The following SPAG16 variants were observed in gnomAD, a reference collection of about 807,000 sequenced individuals.
The protein encoded by SPAG16 is sperm-associated antigen 16 protein.
SPAG16 carries 86 observed loss-of-function variants against 80.4 expected under a neutral mutation model. The ratio of observed to expected loss-of-function variants is 1.07; its 90% CI spans 0.90 to 1.28. The LOEUF (loss-of-function observed/expected upper bound fraction) is 1.28, where lower values mean the gene tolerates loss of function less well. Among genes scored for constraint, SPAG16 ranks in the 50% most tolerant of loss-of-function variants. The pLI is 0.00. For synonymous variants in SPAG16, 294 were observed against 265.9 expected, an observed-to-expected ratio of 1.11 and a Z score of -1.03; for missense variants, 870 against 765.3, an observed-to-expected ratio of 1.14 and a Z score of -1.61.
chr2:213,343,833 CAAAGAAA>C (rs2064820200), intron 6 of SPAG16, among the ~76,000 whole-genome samples: 1 of 151,704 alleles, frequency 6.6e-6, no homozygotes, highest in African/African-American at 2.4e-5. Context: ...AGCAGGGACT[CAAAGAAA>C]AAAGACTGAA....
chr2:213,664,400 A>G (rs1047611559), intron 10 of SPAG16, among the ~76,000 whole-genome samples: 1 of 152,100 alleles, frequency 6.6e-6, no homozygotes, highest in Admixed American at 6.5e-5. Context: ...TTGTTATTTA[A>G]ACAAGGACAC....
At chr2:213,609,524 G>T (rs2061374250) in intron 10 of SPAG16, among the ~76,000 whole-genome samples, 2 of 152,048 alleles carry the variant, frequency 1.3e-5, no homozygotes, top group South Asian at 4.1e-4. Context: ...ACAGTGACTA[G>T]CCAGTCACCC....
At chr2:213,721,140 A>G (rs2066514928) in intron 10 of SPAG16, among the ~76,000 whole-genome samples, 1 of 151,724 alleles carries the variant, frequency 6.6e-6, no homozygotes, top group East Asian at 1.9e-4. Flanking sequence ...TCTCTCTGTA[A>G]CCCAGGCTGA....
At chr2:213,390,518 A>G (rs1235280979) in intron 9 of SPAG16, among the ~76,000 whole-genome samples, 1 of 152,228 alleles carries the variant, frequency 6.6e-6, no homozygotes, top group Non-Finnish European at 1.5e-5. Flanking sequence ...ATATGTTAAA[A>G]CATTTTATAT....
intron 10 of SPAG16, among the ~76,000 whole-genome samples, chr2:213,847,937 G>A (rs1043990701): frequency 7.2e-5 from 11 of 152,212 alleles, no homozygotes; most frequent in Non-Finnish European, 1.2e-4. Flanking sequence ...TATAGAGGAA[G>A]CTTTGGGTAA....
At chr2:214,298,175 C>CAT (rs1327875391) in intron 15 of SPAG16, among the ~76,000 whole-genome samples, 2 of 101,490 alleles carry the variant, frequency 2.0e-5, no homozygotes, top group African/African-American at 6.3e-5. Context: ...CACACACACA[C>CAT]ATATATATAT....
chr2:214,378,313 A>C (rs1427312972), intron 15 of SPAG16, among the ~76,000 whole-genome samples: 1 of 152,204 alleles, frequency 6.6e-6, no homozygotes, highest in Non-Finnish European at 1.5e-5. Flanking sequence ...CAGGAAACTC[A>C]AACTGGTTTA....
intron 10 of SPAG16, among the ~76,000 whole-genome samples, chr2:213,508,763 G>A (rs573978559): frequency 6.5e-4 from 98 of 151,920 alleles, no homozygotes; most frequent in Admixed American, 1.6e-3. Flanking sequence ...ACCGGGGCCT[G>A]TTGTGGGGTT....
intron 9 of SPAG16, among the ~76,000 whole-genome samples, chr2:213,486,611 T>G (rs1180927459): frequency 1.3e-5 from 2 of 152,112 alleles, no homozygotes; most frequent in Admixed American, 6.5e-5. Flanking sequence ...AAGACTATAT[T>G]TAATTCCAAC....
intron 10 of SPAG16, among the ~76,000 whole-genome samples, chr2:213,573,257 C>T (rs1221735549): frequency 6.6e-6 from 1 of 152,018 alleles, no homozygotes; most frequent in Admixed American, 6.6e-5. Flanking sequence ...ATCTTGGCTC[C>T]TCCCCTTCTC....
chr2:214,031,616 TAA>T (rs1181170003), intron 13 of SPAG16, among the ~76,000 whole-genome samples: 1 of 71,460 alleles, frequency 1.4e-5, no homozygotes, highest in Admixed American at 1.9e-4. Flanking sequence ...TAAAATAAAA[TAA>T]AATAAACATG....
chr2:213,879,883 G>A (rs1036748561), intron 11 of SPAG16, among the ~76,000 whole-genome samples: 10 of 152,066 alleles, frequency 6.6e-5, no homozygotes, highest in South Asian at 2.1e-4. Flanking sequence ...CCAATCCACC[G>A]TTGGTGGGCA....
rs188911649 is a variant in SPAG16, at chr2:213,410,003, T to C, written c.942+34884T>C. ...CTGAAGATCACGTTCTTATCTAGGG[T>C]GGAAAGAAAGAAAACTTTAGCGATC... On this transcript the variant is annotated intron_variant, in intron 9 of 15. Coordinates refer to ENST00000331683, the MANE Select transcript of SPAG16 (RefSeq NM_024532.5). Among the ~76,000 whole-genome samples the C allele has an allele frequency of 8.6e-5, 13 of 151,484 alleles. No individual in the cohort carries two copies. The East Asian group carries it at 2.3e-3, about 27-fold the overall frequency.
At chr2:214,087,584 A>G (rs1339731738) in intron 13 of SPAG16, among the ~76,000 whole-genome samples, 1 of 152,040 alleles carries the variant, frequency 6.6e-6, no homozygotes, top group Admixed American at 6.6e-5. Flanking sequence ...GAAGAAATTG[A>G]GAAGTAATGT....
At chr2:214,167,689 A>G (rs1328844240) in intron 15 of SPAG16, among the ~76,000 whole-genome samples, 2 of 152,074 alleles carry the variant, frequency 1.3e-5, no homozygotes, top group East Asian at 1.9e-4. Context: ...AGAATATGAA[A>G]CACATGTAAA....
At chr2:214,083,167 A>G (rs1390520427) in intron 13 of SPAG16, among the ~76,000 whole-genome samples, 1 of 152,184 alleles carries the variant, frequency 6.6e-6, no homozygotes, top group Admixed American at 6.5e-5. Context: ...AATTTGTCAG[A>G]TTTCCATAGA....
intron 15 of SPAG16, among the ~76,000 whole-genome samples, chr2:214,387,219 T>TAATA (rs1270879687): frequency 5.9e-5 from 9 of 152,318 alleles, no homozygotes; most frequent in Admixed American, 3.3e-4. Flanking sequence ...GCCATATATA[T>TAATA]AATATTGGTA....
chr2:214,128,237 GTCTA>G, intron 14 of SPAG16, among the ~76,000 whole-genome samples: 1 of 151,828 alleles, frequency 6.6e-6, no homozygotes, highest in Non-Finnish European at 1.5e-5. Context: ...CTGTGTATAT[GTCTA>G]TCTGTGTGTA....
At chr2:213,676,191 A>G (rs925645325) in intron 10 of SPAG16, among the ~76,000 whole-genome samples, 3 of 151,548 alleles carry the variant, frequency 2.0e-5, no homozygotes, top group Non-Finnish European at 4.4e-5. Flanking sequence ...TCTGTCTGTT[A>G]TTGGTGTATA....
Sources: gnomAD v4.1 joint callset for allele counts (sites outside exome capture counted in the v4.1 genomes callset) on GRCh38, gnomAD v4.1.1 for gene constraint, MANE v1.5 for transcripts, NCBI Gene and HGNC (gene_info 2026-07-23, HGNC 2026-07-21) for gene names.